Variants in NAALADL2 observed in about 807,000 individuals in gnomAD.
The protein encoded by NAALADL2 is inactive N-acetylated-alpha-linked acidic dipeptidase-like protein 2.
A neutral mutation model predicts 87.2 loss-of-function variants in NAALADL2; 76 were observed. That is an observed-to-expected ratio of 0.87 (90% CI 0.72 to 1.05). NAALADL2 has a LOEUF of 1.05. NAALADL2 is among the 50% of genes least tolerant of loss of function. NAALADL2 has a pLI of 0.00. For missense variants in NAALADL2, 1,089 were observed against 945.8 expected (o/e 1.15, Z -1.99); for synonymous variants, 354 against 331.0 (o/e 1.07, Z -0.75).
At chr3:174,610,656 T>G (rs144964945) in intron 2 of NAALADL2, among the ~76,000 whole-genome samples, 64,339 of 151,512 alleles carry the variant, frequency 0.42, 14,677 homozygotes, top group East Asian at 0.81. Flanking sequence ...CATTAAAAAG[T>G]CAGGAAACAA....
chr3:175,495,501 G>A lies in NAALADL2; in HGVS notation c.1653+23743G>A, dbSNP rs75002450. ...TCTAGGTTGATGCAAAAGTAATTGC[G>A]GTTTTTGCAATTACTTTTGCACCAA... On this transcript the variant is annotated intron_variant, in intron 9 of 13. Coordinates refer to ENST00000454872, the MANE Select transcript of NAALADL2 (RefSeq NM_207015.3). 8.6e-3 allele frequency among the ~76,000 whole-genome samples: 1,313 copies of A among 151,966 alleles called. 16 individuals carry two copies. Among genetic ancestry groups the A allele is most frequent in the African/African-American group, 0.029 (1,220 of 41,438 alleles).
chr3:175,132,819 C>A (rs1728351558), intron 2 of NAALADL2, among the ~76,000 whole-genome samples: 1 of 151,626 alleles, frequency 6.6e-6, no homozygotes, highest in Admixed American at 6.6e-5. Flanking sequence ...GGGATGGCTG[C>A]CGGGCGGAGA....
At chr3:175,213,581 A>G (rs547992036) in intron 2 of NAALADL2, among the ~76,000 whole-genome samples, 4 of 152,276 alleles carry the variant, frequency 2.6e-5, no homozygotes, top group South Asian at 4.1e-4. Flanking sequence ...AACAATCTAG[A>G]TAGGTAACTA....
intron 1 of NAALADL2, among the ~76,000 whole-genome samples, chr3:174,984,618 G>C (rs1032394558): frequency 6.6e-6 from 1 of 151,998 alleles, no homozygotes; most frequent in African/African-American, 2.4e-5. Context: ...ATCTGAAATG[G>C]GGAAAGAGAA....
intron 2 of NAALADL2, among the ~76,000 whole-genome samples, chr3:174,620,887 T>G (rs550830311): frequency 1.2e-4 from 18 of 152,110 alleles, no homozygotes; most frequent in Non-Finnish European, 2.2e-4. Context: ...GTGAGCTAAT[T>G]ACATGATTTG....
intron 9 of NAALADL2, among the ~76,000 whole-genome samples, chr3:175,516,676 A>G (rs548440384): frequency 2.6e-5 from 4 of 152,316 alleles, no homozygotes; most frequent in South Asian, 2.1e-4. Context: ...AATGGACACA[A>G]TTTGAACTAT....
At chr3:175,070,634 G>A (rs1274580708) in intron 1 of NAALADL2, among the ~76,000 whole-genome samples, 2 of 151,868 alleles carry the variant, frequency 1.3e-5, no homozygotes, top group Non-Finnish European at 2.9e-5. Context: ...TATGGTATAG[G>A]GAATCCCAAC....
intron 2 of NAALADL2, among the ~76,000 whole-genome samples, chr3:175,207,365 T>A (rs1741100657): frequency 6.6e-6 from 1 of 152,088 alleles, no homozygotes; most frequent in African/African-American, 2.4e-5. Context: ...ATTAAAACCA[T>A]GATGGAAGTT....
intron 2 of NAALADL2, among the ~76,000 whole-genome samples, chr3:174,677,987 C>G (rs1727198574): frequency 1.3e-5 from 2 of 152,082 alleles, no homozygotes; most frequent in South Asian, 4.1e-4. Context: ...TCTCTTTGTT[C>G]AGCCTCAACT....
chr3:174,771,188 G>C (rs1293399566), intron 3 of NAALADL2, among the ~76,000 whole-genome samples: 2 of 152,112 alleles, frequency 1.3e-5, no homozygotes, highest in East Asian at 3.9e-4. Flanking sequence ...CAAGGATATA[G>C]ATTAGAGGCA....
intron 11 of NAALADL2, among the ~76,000 whole-genome samples, chr3:175,672,875 G>T (rs766604227): frequency 6.6e-6 from 1 of 152,042 alleles, no homozygotes; most frequent in Non-Finnish European, 1.5e-5. Context: ...AATTTATAAG[G>T]CTATTCTGAG....
At chr3:175,100,959 A>C (rs549194235) in intron 2 of NAALADL2, among the ~76,000 whole-genome samples, 1 of 151,588 alleles carries the variant, frequency 6.6e-6, no homozygotes, top group African/African-American at 2.4e-5. Flanking sequence ...AGGCTTGGAG[A>C]GGGGAGAAGC....
intron 9 of NAALADL2, among the ~76,000 whole-genome samples, chr3:175,548,517 T>C (rs545923192): frequency 1.7e-4 from 26 of 152,160 alleles, no homozygotes; most frequent in African/African-American, 6.0e-4. Flanking sequence ...AGTTTACCTA[T>C]GTAGCAAACT....
At chr3:175,358,766 A>C (rs1764664806) in intron 5 of NAALADL2, among the ~76,000 whole-genome samples, 1 of 152,152 alleles carries the variant, frequency 6.6e-6, no homozygotes, top group Admixed American at 6.6e-5. Context: ...GATTGCCACC[A>C]TTCTAAATAG....
chr3:175,420,590 C>T (rs1030853369), intron 5 of NAALADL2, among the ~76,000 whole-genome samples: 21 of 151,884 alleles, frequency 1.4e-4, no homozygotes, highest in African/African-American at 4.6e-4. Context: ...AGCTAATAAA[C>T]AAAAAATTTA....
At chr3:175,484,379 A>C (rs540488477) in intron 9 of NAALADL2, among the ~76,000 whole-genome samples, 3 of 152,168 alleles carry the variant, frequency 2.0e-5, no homozygotes, top group African/African-American at 4.8e-5. Context: ...CATGTTTACA[A>C]GATACCTTTT....
At chr3:175,153,727 G>C (rs567447261) in intron 2 of NAALADL2, among the ~76,000 whole-genome samples, 2 of 152,294 alleles carry the variant, frequency 1.3e-5, no homozygotes, top group South Asian at 4.1e-4. Flanking sequence ...GGCCCAGTCT[G>C]ACTGAGCAAG....
intron 7 of NAALADL2, among the ~76,000 whole-genome samples, chr3:175,464,042 G>T (rs1015244058): frequency 6.6e-6 from 1 of 152,034 alleles, no homozygotes; most frequent in African/African-American, 2.4e-5. Flanking sequence ...CACCATGTTG[G>T]CCAGGCTGGT....
chr3:174,936,487 C>G (rs1737708448), intron 1 of NAALADL2, among the ~76,000 whole-genome samples: 1 of 151,886 alleles, frequency 6.6e-6, no homozygotes, highest in Non-Finnish European at 1.5e-5. Flanking sequence ...AATCAAGCAG[C>G]CATAATAAAA....
Sources: gnomAD v4.1 joint callset for allele counts (sites outside exome capture counted in the v4.1 genomes callset) on GRCh38, gnomAD v4.1.1 for gene constraint, MANE v1.5 for transcripts, NCBI Gene and HGNC (gene_info 2026-07-23, HGNC 2026-07-21) for gene names.